ADK: variants seen among roughly 807,000 people sequenced by gnomAD.
ADK encodes adenosine kinase.
ADK carries 24 observed loss-of-function variants against 44.7 expected under a neutral mutation model. The observed-to-expected ratio is 0.54, with a 90% CI of 0.39 to 0.76. ADK has a LOEUF of 0.76. Ranked by LOEUF, ADK falls within the 30% of genes least tolerant of loss-of-function variation. The pLI is 0.00. For missense variants in ADK, 321 were observed against 425.1 expected, an observed-to-expected ratio of 0.76 and a Z score of 2.15; for synonymous variants, 128 against 142.6, an observed-to-expected ratio of 0.90 and a Z score of 0.73.
Position 74,470,659 on chromosome 10 carries a change from T to C in ADK, c.556-54597T>C, listed in dbSNP as rs1031525750. Among the ~76,000 whole-genome samples the C allele has an allele frequency of 6.0e-5, 5 of 83,476 alleles. No individual in the cohort carries two copies. The Admixed American group carries it at 6.3e-4, about 11-fold the overall frequency. 54.8% of individuals were successfully genotyped at this position (83,476 alleles called of 152,430 possible). Reference sequence around the variant, plus strand: ...GGATTCTTTCGGGGGTGAGGTGTTGTGGAGTTCCTTATATATTCTGAATAT... The same window carrying C: ...GGATTCTTTCGGGGGTGAGGTGTTGCGGAGTTCCTTATATATTCTGAATAT... On this transcript the variant is annotated intron_variant, in intron 6 of 10. Transcript: ENST00000539909.
At chr10:74,374,725 GCATGCC>G (rs565573778) in intron 4 of ADK, among the ~76,000 whole-genome samples, 42 of 152,058 alleles carry the variant, frequency 2.8e-4, no homozygotes, top group Admixed American at 1.2e-3. Context: ...TTCAGAGAAA[GCATGCC>G]CATGTCTCTC....
At chr10:74,349,384 A>G (rs574143561) in intron 4 of ADK, among the ~76,000 whole-genome samples, 2 of 152,312 alleles carry the variant, frequency 1.3e-5, no homozygotes, top group Admixed American at 6.5e-5. Context: ...TGTCACCACC[A>G]GGCCTGCCTT....
chr10:74,339,253 C>G (rs1841509519), intron 4 of ADK, among the ~76,000 whole-genome samples: 2 of 152,056 alleles, frequency 1.3e-5, no homozygotes, highest in African/African-American at 4.8e-5. Context: ...GAGCCACTGC[C>G]CTGGCCTAAA....
intron 3 of ADK, among the ~76,000 whole-genome samples, chr10:74,284,410 G>A (rs935366720): frequency 2.0e-5 from 3 of 151,926 alleles, no homozygotes; most frequent in Non-Finnish European, 4.4e-5. Flanking sequence ...GATTACAGAC[G>A]TGTGTCACCA....
chr10:74,316,352 T>A (rs936715453), intron 4 of ADK, among the ~76,000 whole-genome samples: 2 of 152,192 alleles, frequency 1.3e-5, no homozygotes, highest in African/African-American at 4.8e-5. Flanking sequence ...GGGGGTGATA[T>A]GGTTAGGCTT....
At chr10:74,208,444 A>G (rs1341242856) in intron 2 of ADK, among the ~76,000 whole-genome samples, 1 of 152,204 alleles carries the variant, frequency 6.6e-6, no homozygotes, top group African/African-American at 2.4e-5. Flanking sequence ...TCTTTGTTTT[A>G]CATGTTTTAC....
intron 3 of ADK, among the ~76,000 whole-genome samples, chr10:74,227,450 G>A (rs1844583907): frequency 6.6e-6 from 1 of 152,144 alleles, no homozygotes; most frequent in Non-Finnish European, 1.5e-5. Flanking sequence ...TGGTTCACAT[G>A]TGTAATCCCA....
chr10:74,493,493 TAGAG>T (rs745924721), intron 6 of ADK, among the ~76,000 whole-genome samples: 6 of 151,154 alleles, frequency 4.0e-5, no homozygotes, highest in Admixed American at 6.6e-5. Context: ...TATATAGATA[TAGAG>T]AGAGATATAG....
chr10:74,303,457 A>C (rs1291827951), intron 3 of ADK, among the ~76,000 whole-genome samples: 2 of 152,114 alleles, frequency 1.3e-5, no homozygotes, highest in Non-Finnish European at 2.9e-5. Context: ...GCTCTTAAAA[A>C]TGAGTATATT....
chr10:74,317,588 A>G (rs1840669034), intron 4 of ADK, among the ~76,000 whole-genome samples: 1 of 151,584 alleles, frequency 6.6e-6, no homozygotes, highest in Non-Finnish European at 1.5e-5. Flanking sequence ...AAAGAAATGG[A>G]AGAAAATGAC....
intron 6 of ADK, among the ~76,000 whole-genome samples, chr10:74,440,885 C>T (rs1845383474): frequency 1.3e-5 from 2 of 152,220 alleles, no homozygotes; most frequent in South Asian, 4.1e-4. Context: ...GCCTACTATA[C>T]GTATCCTGTG....
At chr10:74,338,581 T>A (rs1841486647) in intron 4 of ADK, among the ~76,000 whole-genome samples, 1 of 152,166 alleles carries the variant, frequency 6.6e-6, no homozygotes, top group African/African-American at 2.4e-5. Flanking sequence ...AATACCAAGC[T>A]TTGTAAAAGA....
intron 8 of ADK, among the ~76,000 whole-genome samples, chr10:74,593,914 G>T (rs1466508884): frequency 6.6e-6 from 1 of 152,112 alleles, no homozygotes; most frequent in Admixed American, 6.5e-5. Context: ...ACATATATGG[G>T]CATGTGTCTT....
chr10:74,229,057 C>T (rs1298159880), intron 3 of ADK, among the ~76,000 whole-genome samples: 4 of 151,990 alleles, frequency 2.6e-5, no homozygotes, highest in Non-Finnish European at 4.4e-5. Flanking sequence ...TGAATGAATT[C>T]CATTATGATT....
intron 7 of ADK, among the ~76,000 whole-genome samples, chr10:74,532,624 GGCAT>G (rs1488245877): frequency 4.1e-4 from 62 of 152,176 alleles, no homozygotes; most frequent in Non-Finnish European, 5.9e-5. Flanking sequence ...GAACTGGCTG[GGCAT>G]AGTGCATCAC....
rs372015076 is a variant in ADK, at chr10:74,188,409, C to T, written c.66-12355C>T. On this transcript the variant is annotated intron_variant, in intron 1 of 10. Transcript: ENST00000539909. Reference sequence around the variant, plus strand: ...TGTCACCCAGGCTGGAGTGCAGTGGCGCGATCTTGGCTCACTGCAAGCTCC... The same window carrying T: ...TGTCACCCAGGCTGGAGTGCAGTGGTGCGATCTTGGCTCACTGCAAGCTCC... 1.4e-4 allele frequency among the ~76,000 whole-genome samples: 17 copies of T among 121,592 alleles called. 1 individual carries two copies. Among genetic ancestry groups the T allele is most frequent in the African/African-American group, 5.3e-4 (16 of 29,934 alleles). The allele number at this position is 121,592 out of a possible 152,430, so 79.8% of individuals were successfully genotyped here.
intron 9 of ADK, among the ~76,000 whole-genome samples, chr10:74,667,195 T>C (rs1040487616): frequency 2.0e-5 from 3 of 152,130 alleles, no homozygotes; most frequent in Non-Finnish European, 4.4e-5. Context: ...ATACTGAAAA[T>C]GTAATAAAAC....
At chr10:74,202,386 T>A (rs1328343316) in intron 2 of ADK, among the ~76,000 whole-genome samples, 1 of 152,214 alleles carries the variant, frequency 6.6e-6, no homozygotes, top group African/African-American at 2.4e-5. Context: ...ATGTTGTTTT[T>A]ATTTTTTGTC....
intron 10 of ADK, 33 bp from the exon 11 acceptor site, chr10:74,708,288 A>T (rs997045133): frequency 1.2e-6 from 2 of 1,604,910 alleles, no homozygotes. Context: ...CTGTTATACA[A>T]TACTCATGTG....
Sources: gnomAD v4.1 joint callset for allele counts (sites outside exome capture counted in the v4.1 genomes callset) on GRCh38, gnomAD v4.1.1 for gene constraint, MANE v1.5 for transcripts, NCBI Gene and HGNC (gene_info 2026-07-23, HGNC 2026-07-21) for gene names.